Variants in ANKRD52 observed in about 807,000 individuals in gnomAD.
ANKRD52 encodes the protein serine/threonine-protein phosphatase 6 regulatory ankyrin repeat subunit C.
Under a neutral mutation model 116.0 loss-of-function variants are expected in ANKRD52, and 7 were observed. The observed-to-expected ratio is 0.06, with a 90% CI of 0.03 to 0.11. The LOEUF (loss-of-function observed/expected upper bound fraction) is 0.11, where lower values mean the gene tolerates loss of function less well. ANKRD52 is among the 10% of genes least tolerant of loss of function. The pLI is 1.00. For missense variants in ANKRD52, 839 were observed against 1,408.6 expected (o/e 0.60, Z 6.47); for synonymous variants, 528 against 578.1 (o/e 0.91, Z 1.24).
intron 15 of ANKRD52, among the ~76,000 whole-genome samples, chr12:56,250,274 C>A (rs1314314557): frequency 2.0e-5 from 3 of 151,298 alleles, no homozygotes; most frequent in African/African-American, 7.3e-5. Context: ...TATGTGTTAG[C>A]CAGGCTGGTC....
chr12:56,244,972 C>T lies in ANKRD52; in HGVS notation c.2510G>A (p.Ser837Asn), dbSNP rs1871328979. The change falls in exon 23 of 28, where the codon AGC (serine) becomes AAC (asparagine). Residue 837 changes from serine (S) to asparagine (N), a missense_variant. Ser to Asn is a conservative substitution (Grantham distance 46). Coordinates refer to ENST00000267116, the MANE Select transcript of ANKRD52 (RefSeq NM_173595.4). The surrounding 1 kb of genome is among the most constrained non-coding windows in gnomAD (Gnocchi z 4.9). ...LHCAVINNQD[S>N]TTEMLLGALG... ...AGCTCCCAGTAGCATCTCTGTGGTGCTGTCTTGGTTATTAATCCTAGAGGA... is the reference window on the plus strand; with the variant it reads ...AGCTCCCAGTAGCATCTCTGTGGTGTTGTCTTGGTTATTAATCCTAGAGGA... 6.2e-7 allele frequency: 1 copy of T among 1,613,864 alleles called. No individual in the cohort carries two copies. Among genetic ancestry groups the T allele is most frequent in the Non-Finnish European group, 8.5e-7 (1 of 1,179,858 alleles).
chr12:56,245,865 C>G (rs1295266042), intron 20 of ANKRD52, among the ~76,000 whole-genome samples: 2 of 150,962 alleles, frequency 1.3e-5, no homozygotes, highest in Non-Finnish European at 1.5e-5. Flanking sequence ...CAGGCAGGTG[C>G]CACCATGCCC....
Position 56,252,367 on chromosome 12 carries a change from T to C in ANKRD52, c.1371-52A>G. On this transcript the variant is annotated intron_variant, in intron 13 of 27. Transcript: ENST00000267116. This position sits in a 1 kb window ranked among gnomAD's most constrained non-coding sequence, Gnocchi z 4.7. Reference sequence around the variant, plus strand: ...GAAGAGAATCAGAGACAGATACGAATGCAATCAGATGTGCAGCCAAATGCT... The same window carrying C: ...GAAGAGAATCAGAGACAGATACGAACGCAATCAGATGTGCAGCCAAATGCT... The C allele has an allele frequency of 6.2e-7, 1 of 1,608,102 alleles. No homozygotes were observed. Among genetic ancestry groups the C allele is most frequent in the Non-Finnish European group, 8.5e-7 (1 of 1,175,038 alleles).
chr12:56,251,544 C>G (rs1871692973), intron 15 of ANKRD52, among the ~76,000 whole-genome samples: 1 of 152,158 alleles, frequency 6.6e-6, no homozygotes, highest in South Asian at 2.1e-4. Context: ...CTACGCCCAG[C>G]CTCATCTTTT....
intron 3 of ANKRD52, 94 bp from the exon 4 acceptor site, chr12:56,257,179 C>A: frequency 1.3e-6 from 2 of 1,552,344 alleles, no homozygotes; most frequent in African/African-American, 1.4e-5. Flanking sequence ...GGAGCTGGAG[C>A]CTCGCCTGGA....
At position 56,241,630 on chromosome 12, in the gene ANKRD52, C is replaced by T. The variant is rs1259252259; in HGVS notation, c.*1512G>A. The T allele has an allele frequency of 2.0e-5, 4 of 204,246 alleles. No homozygotes were observed. Among genetic ancestry groups the T allele is most frequent in the Admixed American group, 6.0e-5 (1 of 16,748 alleles). The allele number at this position is 204,246 out of a possible 1,614,324, so 12.7% of individuals were successfully genotyped here. A position where few individuals can be genotyped will look rare whatever the true frequency, so the allele number is the denominator to read the frequency against. On this transcript the variant is annotated 3_prime_UTR_variant, in exon 28 of 28. Transcript: ENST00000267116. ...ACTGGGCAAGGATGCAGTGTGGGGG[C>T]GGAGGGGGCATGACCTCTATTCAAG...
chr12:56,257,559 G>T (rs1309193633), intron 2 of ANKRD52, among the ~76,000 whole-genome samples, 198 bp from the exon 3 acceptor site: 1 of 152,082 alleles, frequency 6.6e-6, no homozygotes, highest in Non-Finnish European at 1.5e-5. Context: ...TGAGAAGCCG[G>T]CTCCTTTTTC....
chr12:56,253,938 GT>G lies in ANKRD52; in HGVS notation c.906+128del. ...ACCTTCTTAGCCCACTCTTTCCTGA[GT>G]CCCTGGCAAGGTCTGATTACCCTAG... On this transcript the variant is annotated intron_variant, in intron 8 of 27. Transcript: ENST00000267116. This position sits in a 1 kb window ranked among gnomAD's most constrained non-coding sequence, Gnocchi z 5.5. 1 of 1,334,176 alleles carries G rather than the reference GT, an allele frequency of 7.5e-7. No individual in the cohort carries two copies. Among genetic ancestry groups the G allele is most frequent in the East Asian group, 2.4e-5 (1 of 41,682 alleles). 82.6% of individuals were successfully genotyped at this position (1,334,176 alleles called of 1,614,324 possible).
In ANKRD52 at chr12:56,243,497, T is replaced by C. The variant is rs1182485627; in HGVS notation, c.2981-105A>G. The C allele has an allele frequency of 3.4e-5, 49 of 1,447,022 alleles. No individual in the cohort carries two copies. Among genetic ancestry groups the C allele is most frequent in the Non-Finnish European group, 4.4e-5 (48 of 1,082,070 alleles). 89.6% of individuals were successfully genotyped at this position (1,447,022 alleles called of 1,614,324 possible). On this transcript the variant is annotated intron_variant, in intron 27 of 27. Transcript: ENST00000267116. The surrounding 1 kb of genome is among the most constrained non-coding windows in gnomAD (Gnocchi z 4.6). The stretch of plus-strand genomic sequence containing the variant: ...TGTGGAGGGAGCCAAGGCAGGCAGG[T>C]ACCCAGCAGCGGCAGAATCCAAGGG...
Position 56,244,065 on chromosome 12 carries a change from G to C in ANKRD52, c.2874C>G (p.Asn958Lys), listed in dbSNP as rs1216019988. ...CAGGCACTCACATCTGCAGCGCACTGTTGGTAGCATTGATAAGGCCAAGGT... is the reference window on the plus strand; with the variant it reads ...CAGGCACTCACATCTGCAGCGCACTCTTGGTAGCATTGATAAGGCCAAGGT... ...TQDLGLINAT[N>K]SALQMPLHIA... Residue 958 changes from asparagine to lysine, a missense_variant, in exon 26 of 28, where the codon AAC becomes AAG. By Grantham distance (94) the Asn-to-Lys change is moderately conservative (BLOSUM62 0). This residue lies in a region of ANKRD52 where 552 missense variants were observed against 810.6 expected (regional missense o/e 0.68). Transcript: ENST00000267116. This position sits in a 1 kb window ranked among gnomAD's most constrained non-coding sequence, Gnocchi z 4.9. 1.2e-6 allele frequency: 2 copies of C among 1,613,914 alleles called. No homozygotes were observed. Among genetic ancestry groups the C allele is most frequent in the Admixed American group, 3.3e-5 (2 of 60,026 alleles).
Position 56,242,897 on chromosome 12 carries a change from G to T in ANKRD52, c.*245C>A. 1 of 502,900 alleles carries T rather than the reference G, an allele frequency of 2.0e-6. No homozygotes were observed. The highest frequency in any genetic ancestry group is 3.7e-5 in the South Asian group (1 of 27,032). The allele number at this position is 502,900 out of a possible 1,614,324, so 31.2% of individuals were successfully genotyped here. A position where few individuals can be genotyped will look rare whatever the true frequency, so the allele number is the denominator to read the frequency against. ...GCCAGGCATTTAGCAATCATTTTGG[G>T]ACACTTGGCAGAAGGGGTCGCCCTG... On this transcript the variant is annotated 3_prime_UTR_variant, in exon 28 of 28. Coordinates refer to ENST00000267116, the MANE Select transcript of ANKRD52 (RefSeq NM_173595.4). The surrounding 1 kb of genome is among the most constrained non-coding windows in gnomAD (Gnocchi z 4.3).
At position 56,252,785 on chromosome 12, in the gene ANKRD52, G is replaced by C; in HGVS notation, c.1296C>G (p.Ser432=). Residue 432 remains serine, a synonymous_variant, in exon 12 of 28, where the codon TCC becomes TCG. Coordinates refer to ENST00000267116, the MANE Select transcript of ANKRD52 (RefSeq NM_173595.4). This position sits in a 1 kb window ranked among gnomAD's most constrained non-coding sequence, Gnocchi z 4.7. ...GAGAGAGAAAGAGAACTCACCCTCC[G>C]GAAGCAGCAGCATGAAGACAGGTAC... The part of the protein sequence containing the change: ...LGRTCLHAAA[S]GGNVECLNLL... 1.2e-6 allele frequency: 2 copies of C among 1,613,386 alleles called. No homozygotes were observed. The highest frequency in any genetic ancestry group is 1.7e-6 in the Non-Finnish European group (2 of 1,179,792).
chr12:56,257,739 G>A, intron 2 of ANKRD52, 89 bp downstream of exon 2: 3 of 1,279,150 alleles, frequency 2.3e-6, no homozygotes, highest in Non-Finnish European at 3.3e-6. Context: ...CTGAGCAGAG[G>A]AGACACGGAG....
At chr12:56,245,975 A>C (rs1303169883) in intron 20 of ANKRD52, among the ~76,000 whole-genome samples, 4 of 151,860 alleles carry the variant, frequency 2.6e-5, no homozygotes, top group Non-Finnish European at 5.9e-5. Flanking sequence ...TCGGCCTCCC[A>C]AAGTGCTGGG....
chr12:56,254,208 A>G lies in ANKRD52; in HGVS notation c.765T>C (p.Ala255=). The G allele has an allele frequency of 6.2e-7, 1 of 1,613,964 alleles. No individual in the cohort carries two copies. The highest frequency in any genetic ancestry group is 8.5e-7 in the Non-Finnish European group (1 of 1,179,896). The change falls in exon 8 of 28, where the codon GCT becomes GCC. Residue 255 remains alanine, a synonymous_variant. Coordinates refer to ENST00000267116, the MANE Select transcript of ANKRD52 (RefSeq NM_173595.4). The surrounding 1 kb of genome is among the most constrained non-coding windows in gnomAD (Gnocchi z 4.6). The part of the protein sequence containing the change: ...IACYLGQDAV[A]IELVNAGANV... Reference sequence around the variant, plus strand: ...TGGCTCCGGCATTCACCAGCTCAATAGCCACAGCATCCTGGCCCAGGTAGC... The same window carrying G: ...TGGCTCCGGCATTCACCAGCTCAATGGCCACAGCATCCTGGCCCAGGTAGC...
rs776557865 is a variant in ANKRD52 at position 56,244,676 on chromosome 12, C to T, written c.2698G>A (p.Glu900Lys). 1.2e-6 allele frequency: 2 copies of T among 1,613,964 alleles called. No homozygotes were observed. Among genetic ancestry groups the T allele is most frequent in the South Asian group, 1.1e-5 (1 of 91,086 alleles). The part of the protein sequence containing the change: ...TGRTALMTAA[E>K]NGQTAAVEFL... ...CCCACAGCAGCGGTCTGCCCGTTCT[C>T]AGCCGCCGTCATGAGCGCAGTGCGG... Residue 900 changes from glutamate to lysine, a missense_variant, in exon 24 of 28, where the codon GAG becomes AAG. Physicochemically the swap from Glu to Lys is moderately conservative, Grantham distance 56 (BLOSUM62 1). Coordinates refer to ENST00000267116, the MANE Select transcript of ANKRD52 (RefSeq NM_173595.4). This position sits in a 1 kb window ranked among gnomAD's most constrained non-coding sequence, Gnocchi z 4.9.
In ANKRD52 at chr12:56,252,250, C is replaced by T. The variant is rs1350275575; in HGVS notation, c.1436G>A (p.Gly479Glu). The change falls in exon 14 of 28, where the codon GGG becomes GAG. Residue 479 changes from glycine (G) to glutamate (E), a missense_variant. Coordinates refer to ENST00000267116, the MANE Select transcript of ANKRD52 (RefSeq NM_173595.4). This position sits in a 1 kb window ranked among gnomAD's most constrained non-coding sequence, Gnocchi z 4.7. ...YQCAVTLVTA[G>E]AGVNEADCKG... ...ACAGTCGGCCTCGTTGACACCTGCCCCAGCAGTCACCAATGTTACTGCACA... is the reference window on the plus strand; with the variant it reads ...ACAGTCGGCCTCGTTGACACCTGCCTCAGCAGTCACCAATGTTACTGCACA... The T allele has an allele frequency of 6.2e-7, 1 of 1,613,948 alleles. No individual in the cohort carries two copies.
chr12:56,254,845 T>A lies in ANKRD52; in HGVS notation c.550+20A>T, dbSNP rs769915088. ...ATCCTAAATGTCAAATTTCTGATTTTCCCGTGTATTCTCTCTCACCTAGAA... is the reference window on the plus strand; with the variant it reads ...ATCCTAAATGTCAAATTTCTGATTTACCCGTGTATTCTCTCTCACCTAGAA... On this transcript the variant is annotated intron_variant, in intron 6 of 27. Transcript: ENST00000267116. The surrounding 1 kb of genome is among the most constrained non-coding windows in gnomAD (Gnocchi z 4.6). 5.0e-6 allele frequency: 8 copies of A among 1,608,366 alleles called. No homozygotes were observed. The East Asian group carries it at 1.8e-4, about 36-fold the overall frequency.
Position 56,252,337 on chromosome 12 carries a change from G to T in ANKRD52, c.1371-22C>A. On this transcript the variant is annotated intron_variant, in intron 13 of 27. Coordinates refer to ENST00000267116, the MANE Select transcript of ANKRD52 (RefSeq NM_173595.4). This position sits in a 1 kb window ranked among gnomAD's most constrained non-coding sequence, Gnocchi z 4.7. ...GGTCCTGGGGAAGAAGTGAAGGAGG[G>T]TGGGGAAGAGAATCAGAGACAGATA... is the stretch of plus-strand genomic sequence containing the variant. The T allele has an allele frequency of 6.2e-7, 1 of 1,612,608 alleles. No homozygotes were observed. Among genetic ancestry groups the T allele is most frequent in the Admixed American group, 1.7e-5 (1 of 60,002 alleles).
Sources: gnomAD v4.1 joint callset for allele counts (sites outside exome capture counted in the v4.1 genomes callset) on GRCh38, gnomAD v4.1.1 for gene constraint, gnomAD v4.1.1 regional missense constraint, Gnocchi (gnomAD v3.1) non-coding constraint, MANE v1.5 for transcripts, NCBI Gene and HGNC (gene_info 2026-07-23, HGNC 2026-07-21) for gene names.